The following PTPRD variants were observed in gnomAD, a reference collection of about 807,000 sequenced individuals.
PTPRD encodes receptor-type tyrosine-protein phosphatase delta.
A neutral mutation model predicts 214.5 loss-of-function variants in PTPRD; 34 were observed. The ratio of observed to expected loss-of-function variants is 0.16; its 90% confidence interval spans 0.12 to 0.21. The LOEUF (loss-of-function observed/expected upper bound fraction) is 0.21. PTPRD is among the 10% of genes least tolerant of loss of function. PTPRD has a pLI of 1.00. For synonymous variants in PTPRD, 1,128 were observed against 845.7 expected, an observed-to-expected ratio of 1.33 and a Z score of -5.79; for missense variants, 2,545 against 2,398.7, an observed-to-expected ratio of 1.06 and a Z score of -1.27.
intron 7 of PTPRD, among the ~76,000 whole-genome samples, chr9:9,733,811 C>G (rs1051119280): frequency 1.3e-5 from 2 of 152,114 alleles, no homozygotes; most frequent in Non-Finnish European, 2.9e-5. Context: ...GTTTGATAAT[C>G]TTGTATACAC....
intron 11 of PTPRD, among the ~76,000 whole-genome samples, chr9:8,769,109 G>A (rs1263721115): frequency 1.3e-5 from 2 of 152,250 alleles, no homozygotes; most frequent in Non-Finnish European, 2.9e-5. Flanking sequence ...AATGTTTTAT[G>A]TAACAGTGGA....
chr9:9,659,611 C>G (rs1375526252), intron 7 of PTPRD, among the ~76,000 whole-genome samples: 1 of 151,446 alleles, frequency 6.6e-6, no homozygotes, highest in Non-Finnish European at 1.5e-5. Context: ...TACAAAATAC[C>G]CTGAAAAAAA....
intron 9 of PTPRD, among the ~76,000 whole-genome samples, chr9:9,233,507 A>G (rs1487628663): frequency 1.3e-5 from 2 of 152,196 alleles, no homozygotes; most frequent in Non-Finnish European, 2.9e-5. Flanking sequence ...TGCCTTCCCA[A>G]CAGTCCTCCA....
chr9:9,492,444 A>G (rs539876269), intron 8 of PTPRD, among the ~76,000 whole-genome samples: 1 of 152,266 alleles, frequency 6.6e-6, no homozygotes, highest in Non-Finnish European at 1.5e-5. Flanking sequence ...TGTTAACAGG[A>G]TTATGTACCA....
Position 8,948,422 on chromosome 9 carries a change from TA to T in PTPRD, c.-104+70274del, listed in dbSNP as rs1358710095. On this transcript the variant is annotated intron_variant, in intron 11 of 45. Transcript: ENST00000381196. Reference sequence around the variant, plus strand: ...TGGGTTTAAAATATATATATATATATATTTATATATATATTTACATATATAT... The same window carrying T: ...TGGGTTTAAAATATATATATATATATTTTATATATATATTTACATATATAT... 4.9e-5 allele frequency among the ~76,000 whole-genome samples: 2 copies of T among 41,074 alleles called. 1 individual carries two copies. The allele number at this position is 41,074 out of a possible 152,430, so 26.9% of individuals were successfully genotyped here.
At chr9:8,505,263 T>TA (rs1206978474) in intron 22 of PTPRD, among the ~76,000 whole-genome samples, 1 of 152,166 alleles carries the variant, frequency 6.6e-6, no homozygotes, top group Non-Finnish European at 1.5e-5. Context: ...CATAATCTAG[T>TA]AATGGTGTGT....
At chr9:9,389,614 C>G (rs1641202063) in intron 9 of PTPRD, among the ~76,000 whole-genome samples, 1 of 152,110 alleles carries the variant, frequency 6.6e-6, no homozygotes, top group African/African-American at 2.4e-5. Context: ...ATGAGATATA[C>G]CAACCATTGA....
At chr9:8,791,914 A>G (rs982898041) in intron 11 of PTPRD, among the ~76,000 whole-genome samples, 2 of 152,182 alleles carry the variant, frequency 1.3e-5, no homozygotes, top group African/African-American at 4.8e-5. Flanking sequence ...TGCAATGGAC[A>G]GCCAGACCTT....
At chr9:9,373,465 C>T (rs1389004479) in intron 9 of PTPRD, among the ~76,000 whole-genome samples, 1 of 151,972 alleles carries the variant, frequency 6.6e-6, no homozygotes, top group Non-Finnish European at 1.5e-5. Flanking sequence ...ATTCTAGAGG[C>T]CAGAATTCTG....
At chr9:10,209,784 G>C (rs1480051396) in intron 3 of PTPRD, among the ~76,000 whole-genome samples, 1 of 151,956 alleles carries the variant, frequency 6.6e-6, no homozygotes. Context: ...GATGGAATTA[G>C]AACTAAATGA....
chr9:9,831,285 C>A (rs756402516), intron 5 of PTPRD, among the ~76,000 whole-genome samples: 3 of 151,912 alleles, frequency 2.0e-5, no homozygotes, highest in African/African-American at 4.8e-5. Context: ...TTTGACATTG[C>A]TTAAAGCATC....
chr9:10,594,635 T>C (rs35287509), intron 2 of PTPRD, among the ~76,000 whole-genome samples: 39,376 of 151,886 alleles, frequency 0.26, 5,877 homozygotes, highest in Admixed American at 0.34. Context: ...TGGCTTACAA[T>C]CTTCCAAGAC....
chr9:10,598,480 G>A (rs530906353), intron 2 of PTPRD, among the ~76,000 whole-genome samples: 4 of 151,628 alleles, frequency 2.6e-5, no homozygotes, highest in Non-Finnish European at 5.9e-5. Flanking sequence ...AGGTTATTCT[G>A]TGCAGAAAAT....
intron 2 of PTPRD, among the ~76,000 whole-genome samples, chr9:10,471,356 T>A (rs1249511100): frequency 6.6e-6 from 1 of 151,880 alleles, no homozygotes; most frequent in African/African-American, 2.4e-5. Flanking sequence ...GGTTTGGGGG[T>A]CATGGGTGTC....
chr9:9,515,544 T>C (rs2096816596), intron 8 of PTPRD, among the ~76,000 whole-genome samples: 1 of 152,070 alleles, frequency 6.6e-6, no homozygotes, highest in South Asian at 2.1e-4. Context: ...ATGGTGGAGA[T>C]GGAAAAATTG....
At chr9:8,682,412 A>G (rs67852519) in intron 12 of PTPRD, among the ~76,000 whole-genome samples, 2,888 of 152,292 alleles carry the variant, frequency 0.019, 36 homozygotes, top group African/African-American at 0.031. Flanking sequence ...TTGGGGGGAT[A>G]CATATCCAAA....
intron 3 of PTPRD, among the ~76,000 whole-genome samples, chr9:10,194,668 T>C (rs2099390332): frequency 3.1e-5 from 2 of 64,832 alleles, no homozygotes; most frequent in South Asian, 7.7e-4. Flanking sequence ...CTAAAAATAC[T>C]TCCCACACAA....
intron 11 of PTPRD, among the ~76,000 whole-genome samples, chr9:8,736,565 A>T (rs926107230): frequency 6.6e-6 from 1 of 152,238 alleles, no homozygotes; most frequent in Admixed American, 6.5e-5. Flanking sequence ...GTCATTTCTG[A>T]AACTCAGCTT....
intron 5 of PTPRD, among the ~76,000 whole-genome samples, chr9:9,851,338 G>T (rs1034615592): frequency 6.6e-6 from 1 of 152,158 alleles, no homozygotes; most frequent in African/African-American, 2.4e-5. Context: ...GGCCAGCCTT[G>T]GCATGGCAGC....
Sources: gnomAD v4.1 joint callset for allele counts (sites outside exome capture counted in the v4.1 genomes callset) on GRCh38, gnomAD v4.1.1 for gene constraint, MANE v1.5 for transcripts, NCBI Gene and HGNC (gene_info 2026-07-23, HGNC 2026-07-21) for gene names.